FAT3: variants seen among roughly 807,000 people sequenced by gnomAD.
The protein encoded by FAT3 is FAT atypical cadherin 3, also known as protocadherin Fat 3.
FAT3 carries 95 observed loss-of-function variants against 310.2 expected under a neutral mutation model. The observed-to-expected ratio is 0.31, with a 90% CI of 0.26 to 0.36. FAT3 has a LOEUF of 0.36. Among genes scored for constraint, FAT3 ranks in the 10% least tolerant of loss-of-function variants. FAT3 has a pLI of 1.00. For synonymous variants in FAT3, 2,314 were observed against 2,192.9 expected (o/e 1.06, Z -1.54); for missense variants, 5,408 against 5,715.6 (o/e 0.95, Z 1.74).
chr11:92,435,258 C>A (rs1431223846), intron 2 of FAT3, among the ~76,000 whole-genome samples: 1 of 152,160 alleles, frequency 6.6e-6, no homozygotes, highest in African/African-American at 2.4e-5. Flanking sequence ...TCAGGGATGT[C>A]TGCCAGAGTC....
rs1946686932 is a variant in FAT3 at position 92,779,608 on chromosome 11, G to A, written c.4335+5428G>A. Among the ~76,000 whole-genome samples the A allele has an allele frequency of 2.0e-5, 3 of 152,222 alleles. No homozygotes were observed. In the South Asian group the frequency reaches 6.2e-4, roughly 32 times the overall value. On this transcript the variant is annotated intron_variant, in intron 7 of 27. Coordinates refer to ENST00000525166, the MANE Select transcript of FAT3 (RefSeq NM_001367949.2). ...ACTCTTACAGTTACTCAGTGAAGCA[G>A]GTGCTATTTGTGGTAGGCAACAGAG...
chr11:92,444,030 G>A (rs1184126264), intron 2 of FAT3, among the ~76,000 whole-genome samples: 1 of 152,024 alleles, frequency 6.6e-6, no homozygotes, highest in Non-Finnish European at 1.5e-5. Flanking sequence ...AAAGAGAGCT[G>A]GTATTTGAAC....
At chr11:92,889,157 C>G (rs1237377826) in intron 25 of FAT3, 32 bp from the exon 26 acceptor site, 3 of 701,238 alleles carry the variant, frequency 4.3e-6, no homozygotes, top group Non-Finnish European at 7.9e-6. Flanking sequence ...GCTGTCCTTC[C>G]CCTACCTCCG....
intron 6 of FAT3, among the ~76,000 whole-genome samples, chr11:92,773,068 A>G (rs1946498120): frequency 6.6e-6 from 1 of 152,156 alleles, no homozygotes; most frequent in Admixed American, 6.6e-5. Flanking sequence ...TTTCAGGCCA[A>G]AAGAAATAGA....
Position 92,843,964 on chromosome 11 carries a change from T to G in FAT3, c.10597T>G (p.Ser3533Ala), listed in dbSNP as rs768055675. The G allele has an allele frequency of 1.7e-5, 28 of 1,609,488 alleles. No homozygotes were observed. Among genetic ancestry groups the G allele is most frequent in the Middle Eastern group, 3.3e-4 (2 of 6,042 alleles). ...AKDSGKPQQV[S>A]HTYIRVRVIE... ...GGATTCAGGCAAACCCCAGCAAGTT[T>G]CTCACACTTACATCCGCGTGCGAGT... The change falls in exon 19 of 28, where the codon TCT becomes GCT. Residue 3533 changes from serine to alanine, a missense_variant. By Grantham distance (99) the Ser-to-Ala change is moderately conservative. Coordinates refer to ENST00000525166, the MANE Select transcript of FAT3 (RefSeq NM_001367949.2).
chr11:92,548,568 C>A (rs1954695348), intron 3 of FAT3, among the ~76,000 whole-genome samples: 1 of 152,160 alleles, frequency 6.6e-6, no homozygotes, highest in Admixed American at 6.5e-5. Context: ...GATAACTTTT[C>A]AAATTTTAGG....
rs76470321 is a variant in FAT3, at chr11:92,769,893, A to G, written c.4196-4148A>G. Among the ~76,000 whole-genome samples the G allele has an allele frequency of 4.1e-4, 63 of 152,316 alleles. 2 individuals carry two copies. In the East Asian group the frequency reaches 0.012, roughly 29 times the overall value. ...CTTGAACCTTGTCCCCAGTGGAGCC[A>G]TCGCTTATTTAGAGATGAATGAAGT... On this transcript the variant is annotated intron_variant, in intron 6 of 27. Transcript: ENST00000525166.
chr11:92,844,886 G>A (rs1948648991), intron 19 of FAT3, among the ~76,000 whole-genome samples, 154 bp downstream of exon 19: 1 of 152,254 alleles, frequency 6.6e-6, no homozygotes, highest in Non-Finnish European at 1.5e-5. Context: ...TGCTGGGGCT[G>A]CAGGAGGTAC....
At chr11:92,726,421 C>T (rs1945000481) in intron 4 of FAT3, among the ~76,000 whole-genome samples, 1 of 152,016 alleles carries the variant, frequency 6.6e-6, no homozygotes, top group African/African-American at 2.4e-5. Context: ...CACAGAACAA[C>T]CATAACAATG....
At chr11:92,268,844 CT>C in intron 1 of FAT3, among the ~76,000 whole-genome samples, 1 of 152,266 alleles carries the variant, frequency 6.6e-6, no homozygotes, top group South Asian at 2.1e-4. Flanking sequence ...AATTTTCCTC[CT>C]TTTAAGGAAA....
At chr11:92,487,958 C>T (rs1259327163) in intron 2 of FAT3, among the ~76,000 whole-genome samples, 2 of 152,178 alleles carry the variant, frequency 1.3e-5, no homozygotes, top group African/African-American at 4.8e-5. Context: ...GGTATAATCC[C>T]CTTCTCTTGT....
Position 92,653,666 on chromosome 11 carries a change from A to G in FAT3, c.3608-43718A>G, listed in dbSNP as rs79810118. Reference sequence around the variant, plus strand: ...TTCACAATAGAGCTTAAATCATTACATTAATTGTTTCCATATGTTGCAGTT... The same window carrying G: ...TTCACAATAGAGCTTAAATCATTACGTTAATTGTTTCCATATGTTGCAGTT... On this transcript the variant is annotated intron_variant, in intron 3 of 27. Transcript: ENST00000525166. Among the ~76,000 whole-genome samples, 804 of 152,302 alleles carry G rather than the reference A, an allele frequency of 5.3e-3. 16 individuals are homozygous for G. The East Asian group carries it at 0.053, about 10-fold the overall frequency.
intron 2 of FAT3, among the ~76,000 whole-genome samples, chr11:92,470,480 C>G (rs1021474062): frequency 2.0e-5 from 3 of 152,208 alleles, no homozygotes; most frequent in Middle Eastern, 3.4e-3. Context: ...AAACCATATC[C>G]CCATTCCATG....
chr11:92,710,200 G>A (rs1463017109), intron 4 of FAT3, among the ~76,000 whole-genome samples: 1 of 152,194 alleles, frequency 6.6e-6, no homozygotes, highest in African/African-American at 2.4e-5. Context: ...TAAGCAACCA[G>A]TACTACAAAG....
chr11:92,354,767 C>T lies in FAT3; in HGVS notation c.2655C>T (p.Ile885=), dbSNP rs184000863. 1.5e-3 allele frequency: 2,415 copies of T among 1,613,884 alleles called. No individual in the cohort carries two copies. Among genetic ancestry groups the T allele is most frequent in the Middle Eastern group, 2.1e-3 (13 of 6,062 alleles). Residue 885 remains isoleucine, a synonymous_variant, in exon 2 of 28, where the codon ATC becomes ATT. Coordinates refer to ENST00000525166, the MANE Select transcript of FAT3 (RefSeq NM_001367949.2). ...QQFAINSSTG[I]VYVADQLDRE... is the part of the protein sequence containing the mutation. ...TTGCCATCAATAGCTCAACTGGAAT[C>T]GTTTATGTAGCCGACCAGTTGGACC...
At chr11:92,612,324 G>A (rs1012404194) in intron 3 of FAT3, among the ~76,000 whole-genome samples, 8 of 152,160 alleles carry the variant, frequency 5.3e-5, no homozygotes, top group African/African-American at 1.9e-4. Flanking sequence ...GCCCAATAAT[G>A]AGAATGAGAA....
chr11:92,461,284 C>T (rs1486904323), intron 2 of FAT3, among the ~76,000 whole-genome samples: 4 of 152,090 alleles, frequency 2.6e-5, no homozygotes, highest in African/African-American at 9.7e-5. Context: ...ATCACACTCT[C>T]CCCTCCTCCC....
chr11:92,528,623 TG>T (rs1286860782), intron 3 of FAT3, among the ~76,000 whole-genome samples: 3 of 151,956 alleles, frequency 2.0e-5, no homozygotes, highest in Non-Finnish European at 4.4e-5. Flanking sequence ...CCTGACCTCA[TG>T]ATCCGCCCGC....
chr11:92,549,249 T>C (rs1309277667), intron 3 of FAT3, among the ~76,000 whole-genome samples: 2 of 152,180 alleles, frequency 1.3e-5, no homozygotes, highest in Admixed American at 1.3e-4. Context: ...ATCAGGGCGT[T>C]TTCATTTAGG....
Sources: allele counts gnomAD v4.1 joint callset (sites outside exome capture counted in the v4.1 genomes callset), GRCh38; gene constraint gnomAD v4.1.1; transcripts MANE v1.5; gene names NCBI Gene and HGNC (gene_info 2026-07-23, HGNC 2026-07-21).